The following SGSM2 variants were observed in gnomAD, a reference collection of about 807,000 sequenced individuals.
SGSM2 encodes small G protein signaling modulator 2.
Under a neutral mutation model 126.6 loss-of-function variants are expected in SGSM2, and 89 were observed. The ratio of observed to expected loss-of-function variants is 0.70; its 90% CI spans 0.59 to 0.84. The LOEUF (loss-of-function observed/expected upper bound fraction) is 0.84. Among genes scored for constraint, SGSM2 ranks in the 40% least tolerant of loss-of-function variants. The pLI is 0.00. For synonymous variants in SGSM2, 614 were observed against 574.3 expected, an observed-to-expected ratio of 1.07 and a Z score of -0.99; for missense variants, 1,404 against 1,416.6, an observed-to-expected ratio of 0.99 and a Z score of 0.14.
At chr17:2,371,493 T>G in intron 13 of SGSM2, 78 bp downstream of exon 13, 1 of 1,486,128 alleles carries the variant, frequency 6.7e-7, no homozygotes, top group Non-Finnish European at 9.0e-7. Context: ...TTAAAGGCCG[T>G]GTCACCTGCA....
intron 2 of SGSM2, among the ~76,000 whole-genome samples, chr17:2,349,068 C>A (rs967866979): frequency 2.0e-5 from 3 of 151,644 alleles, no homozygotes; most frequent in African/African-American, 7.3e-5. Context: ...CACCCCACAT[C>A]TGCTTTGTTT....
chr17:2,378,759 A>T (rs989107309), intron 22 of SGSM2, among the ~76,000 whole-genome samples: 1 of 152,198 alleles, frequency 6.6e-6, no homozygotes, highest in Non-Finnish European at 1.5e-5. Flanking sequence ...ATTACCCAAG[A>T]AAAGGATGGG....
At chr17:2,364,513 G>A in intron 8 of SGSM2, 83 bp from the exon 9 acceptor site, 4 of 1,463,598 alleles carry the variant, frequency 2.7e-6, no homozygotes, top group Middle Eastern at 1.7e-4. Context: ...GGAGTTTCGT[G>A]GGGTGGTAGG....
chr17:2,379,876 G>T lies in SGSM2; in HGVS notation c.*356G>T. ...CCTGGGGCCCCACAGGATTAACAGG[G>T]GCTATAGCGGCCTGGGCCCTACTCA... On this transcript the variant is annotated 3_prime_UTR_variant, in exon 24 of 24. Transcript: ENST00000268989. 7.7e-7 allele frequency: 1 copy of T among 1,303,000 alleles called. No homozygotes were observed. The highest frequency in any genetic ancestry group is 9.8e-7 in the Non-Finnish European group (1 of 1,019,912). 80.7% of individuals were successfully genotyped at this position (1,303,000 alleles called of 1,614,324 possible).
chr17:2,344,677 A>G lies in SGSM2; in HGVS notation c.133+1057A>G, dbSNP rs540960447. On this transcript the variant is annotated intron_variant, in intron 2 of 23. Transcript: ENST00000268989. ...AATGCGCAAGTAAATATGTCATCCA[A>G]TAACTTGGCATGTGATAAGAGCTAG... 5.3e-5 allele frequency among the ~76,000 whole-genome samples: 8 copies of G among 151,788 alleles called. No individual in the cohort carries two copies. The East Asian group carries it at 1.5e-3, about 29-fold the overall frequency.
Position 2,337,576 on chromosome 17 carries a change from G to A in SGSM2, c.-113G>A, listed in dbSNP as rs2064132738. 1 of 617,200 alleles carries A rather than the reference G, an allele frequency of 1.6e-6. No homozygotes were observed. The highest frequency in any genetic ancestry group is 5.9e-5 in the Admixed American group (1 of 16,954). The allele number at this position is 617,200 out of a possible 1,614,324, so 38.2% of individuals were successfully genotyped here. On this transcript the variant is annotated 5_prime_UTR_variant, in exon 1 of 24. Coordinates refer to ENST00000268989, the MANE Select transcript of SGSM2 (RefSeq NM_014853.3). This position sits in a 1 kb window ranked among gnomAD's most constrained non-coding sequence, Gnocchi z 5.1. ...GGCGGCGGCGGCGGCGGCGGGCCGG[G>A]AGCGCGGCGGGCGGGGGCTCCGCCT...
Position 2,376,808 on chromosome 17 carries a change from C to G in SGSM2, c.2685C>G (p.Leu895=), listed in dbSNP as rs756915259. 1 of 1,614,052 alleles carries G rather than the reference C, an allele frequency of 6.2e-7. No individual in the cohort carries two copies. Among genetic ancestry groups the G allele is most frequent in the Non-Finnish European group, 8.5e-7 (1 of 1,180,016 alleles). ...CDLLAPLLVT[L]DNDQLAYSCF... ...TGCTGGCGCCTCTCCTGGTCACCCT[C>G]GACAATGGTGAGGGATGGCGGGACA... The change falls in exon 20 of 24, where the codon CTC becomes CTG. Residue 895 remains leucine, a synonymous_variant. Coordinates refer to ENST00000268989, the MANE Select transcript of SGSM2 (RefSeq NM_014853.3).
At chr17:2,341,716 C>T (rs1289531620) in intron 1 of SGSM2, among the ~76,000 whole-genome samples, 2 of 152,220 alleles carry the variant, frequency 1.3e-5, no homozygotes, top group Non-Finnish European at 2.9e-5. Context: ...CCCAGGACAT[C>T]AACAGAGTTT....
intron 12 of SGSM2, among the ~76,000 whole-genome samples, 169 bp from the exon 13 acceptor site, chr17:2,371,093 C>T (rs968444603): frequency 6.6e-6 from 1 of 152,226 alleles, no homozygotes; most frequent in African/African-American, 2.4e-5. Flanking sequence ...CGCCCTCTCT[C>T]CCTACCGTTT....
In SGSM2 at chr17:2,377,011, C is replaced by T. The variant is rs149135340; in HGVS notation, c.2745C>T (p.Asn915=). Residue 915 remains asparagine (N), a synonymous_variant, in exon 21 of 24, where the codon AAC becomes AAT. Coordinates refer to ENST00000268989, the MANE Select transcript of SGSM2 (RefSeq NM_014853.3). ...ACCTCATGAAGAGGATGAGCCAGAA[C>T]TTCCCCAACGGGGGTGCCATGGACA... The part of the protein sequence containing the change: ...FSHLMKRMSQ[N]FPNGGAMDTH... 3.7e-6 allele frequency: 6 copies of T among 1,613,818 alleles called. No individual in the cohort carries two copies. The African/African-American group carries it at 4.0e-5, about 11-fold the overall frequency.
intron 1 of SGSM2, among the ~76,000 whole-genome samples, chr17:2,341,028 C>T (rs2151468186): frequency 6.6e-6 from 1 of 152,218 alleles, no homozygotes; most frequent in East Asian, 1.9e-4. Flanking sequence ...AAATCCTCCC[C>T]ATCAGCCTGC....
chr17:2,362,098 C>T lies in SGSM2; in HGVS notation c.297-11C>T, dbSNP rs141029153. 8.2e-5 allele frequency: 132 copies of T among 1,608,002 alleles called. 1 individual carries two copies. The East Asian group carries it at 2.0e-3, about 24-fold the overall frequency. On this transcript the variant is annotated splice_polypyrimidine_tract_variant and intron_variant, in intron 3 of 23. Transcript: ENST00000268989. The surrounding 1 kb of genome is among the most constrained non-coding windows in gnomAD (Gnocchi z 4.9). Reference sequence around the variant, plus strand: ...ACCACTGCACTCCTGGAGCCCTCCCCGCCTTTGCAGGAAACCCTCAGGGGT... The same window carrying T: ...ACCACTGCACTCCTGGAGCCCTCCCTGCCTTTGCAGGAAACCCTCAGGGGT...
chr17:2,371,453 G>A (rs771054398), intron 13 of SGSM2, 38 bp downstream of exon 13: 23 of 1,555,468 alleles, frequency 1.5e-5, no homozygotes, highest in African/African-American at 4.1e-5. Flanking sequence ...TCCCGTTAGC[G>A]TGTCCAGCCA....
At chr17:2,365,099 G>A (rs2065497638) in intron 10 of SGSM2, 42 bp downstream of exon 10, 4 of 1,603,034 alleles carry the variant, frequency 2.5e-6, no homozygotes, top group South Asian at 1.1e-5. Flanking sequence ...CTGTGTGTGG[G>A]GTTCTCTGCC....
chr17:2,369,156 G>A (rs550908630), intron 12 of SGSM2, among the ~76,000 whole-genome samples: 1 of 152,286 alleles, frequency 6.6e-6, no homozygotes, highest in East Asian at 1.9e-4. Context: ...GCTGGGGAAT[G>A]GGGGCCCCCC....
At position 2,372,213 on chromosome 17, in the gene SGSM2, A is replaced by T; in HGVS notation, c.1601A>T (p.Glu534Val). The change falls in exon 14 of 24, where the codon GAG becomes GTG. Residue 534 changes from glutamate to valine, a missense_variant. By Grantham distance (121) the Glu-to-Val change is moderately radical. Transcript: ENST00000268989. The surrounding 1 kb of genome is among the most constrained non-coding windows in gnomAD (Gnocchi z 6.0). ...AGGTTGCCGCTCAGGCTACTGTGTGAGAGTATGAAGAGGCAGATCGTGTCC... is the reference window on the plus strand; with the variant it reads ...AGGTTGCCGCTCAGGCTACTGTGTGTGAGTATGAAGAGGCAGATCGTGTCC... The part of the protein sequence containing the change: ...PDRLPLRLLC[E>V]SMKRQIVSRA... 2 of 1,613,228 alleles carry T rather than the reference A, an allele frequency of 1.2e-6. No homozygotes were observed. The highest frequency in any genetic ancestry group is 1.3e-5 in the African/African-American group (1 of 75,016).
chr17:2,364,436 C>T (rs1039750459), intron 8 of SGSM2, 160 bp from the exon 9 acceptor site: 1 of 849,584 alleles, frequency 1.2e-6, no homozygotes, highest in Non-Finnish European at 1.9e-6. Flanking sequence ...GCCGAGCGGG[C>T]AGCACAGATC....
chr17:2,377,477 C>CT (rs1273266505), intron 21 of SGSM2: 1 of 130,760 alleles, frequency 7.6e-6, no homozygotes, highest in Admixed American at 8.1e-5. Context: ...GAGCGAGACT[C>CT]TGTCTCAAAA....
chr17:2,352,132 G>A (rs2064880746), intron 2 of SGSM2, among the ~76,000 whole-genome samples: 1 of 152,210 alleles, frequency 6.6e-6, no homozygotes, highest in Non-Finnish European at 1.5e-5. Context: ...TTGGAGTAAA[G>A]ATACTTGATG....
Sources: gnomAD v4.1 joint callset for allele counts (sites outside exome capture counted in the v4.1 genomes callset) on GRCh38, gnomAD v4.1.1 for gene constraint, Gnocchi (gnomAD v3.1) non-coding constraint, MANE v1.5 for transcripts, NCBI Gene and HGNC (gene_info 2026-07-23, HGNC 2026-07-21) for gene names.